GRIN2B: variants seen among roughly 807,000 people sequenced by gnomAD.
GRIN2B encodes the protein glutamate receptor ionotropic, NMDA 2B.
GRIN2B carries 5 observed loss-of-function variants against 114.5 expected under a neutral mutation model. The ratio of observed to expected loss-of-function variants is 0.04; its 90% CI spans 0.02 to 0.09. The LOEUF is 0.09. Among genes scored for constraint, GRIN2B ranks in the 10% least tolerant of loss-of-function variants. The pLI is 1.00. For synonymous variants in GRIN2B, 787 were observed against 745.1 expected (o/e 1.06, Z -0.92); for missense variants, 1,108 against 1,943.5 (o/e 0.57, Z 8.08).
intron 4 of GRIN2B, among the ~76,000 whole-genome samples, chr12:13,734,103 A>G (rs1308412117): frequency 1.3e-5 from 2 of 152,212 alleles, no homozygotes; most frequent in African/African-American, 4.8e-5. Flanking sequence ...AGGGATGATA[A>G]TTTCCATTCT....
chr12:13,658,043 T>TA (rs1295266327), intron 5 of GRIN2B, among the ~76,000 whole-genome samples: 8 of 152,046 alleles, frequency 5.3e-5, no homozygotes, highest in African/African-American at 1.9e-4. Flanking sequence ...CTGTCTCTAC[T>TA]AAAAATACAC....
At chr12:13,938,772 C>T (rs956569482) in intron 2 of GRIN2B, among the ~76,000 whole-genome samples, 6 of 152,062 alleles carry the variant, frequency 3.9e-5, no homozygotes, top group East Asian at 3.9e-4. Flanking sequence ...GAACTTCCTT[C>T]GATGATGGAA....
chr12:13,897,467 A>G (rs980790846), intron 2 of GRIN2B, among the ~76,000 whole-genome samples: 1 of 152,176 alleles, frequency 6.6e-6, no homozygotes, highest in African/African-American at 2.4e-5. Context: ...CAAATCCTCC[A>G]TATTTGACAG....
intron 3 of GRIN2B, among the ~76,000 whole-genome samples, chr12:13,788,492 T>C (rs1251273323): frequency 6.6e-6 from 1 of 152,202 alleles, no homozygotes; most frequent in Non-Finnish European, 1.5e-5. Context: ...CATAGAATGC[T>C]TGCTCACAAG....
chr12:13,685,326 C>A (rs1053612633), intron 4 of GRIN2B, among the ~76,000 whole-genome samples: 1 of 152,162 alleles, frequency 6.6e-6, no homozygotes, highest in Non-Finnish European at 1.5e-5. Flanking sequence ...CCAAAGGGGG[C>A]AAAATGGTAG....
intron 12 of GRIN2B, among the ~76,000 whole-genome samples, chr12:13,567,816 T>C (rs565462264): frequency 1.3e-5 from 2 of 152,164 alleles, no homozygotes; most frequent in East Asian, 3.9e-4. Flanking sequence ...AAAGGTATAG[T>C]AGGCAAAAGA....
chr12:13,702,121 C>T lies in GRIN2B; in HGVS notation c.1011-26262G>A, dbSNP rs142691786. On this transcript the variant is annotated intron_variant, in intron 4 of 13. Coordinates refer to ENST00000609686, the MANE Select transcript of GRIN2B (RefSeq NM_000834.5). Reference sequence around the variant, plus strand: ...ATAATTTATGGATCTCTTTCATGTACGTAATTGTTCTTCCATTATCATTCT... The same window carrying T: ...ATAATTTATGGATCTCTTTCATGTATGTAATTGTTCTTCCATTATCATTCT... Among the ~76,000 whole-genome samples the T allele has an allele frequency of 3.7e-4, 57 of 152,222 alleles. 1 individual carries two copies. The highest frequency in any genetic ancestry group is 2.8e-4 in the Non-Finnish European group (19 of 68,008).
Position 13,615,609 on chromosome 12 carries a change from T to C in GRIN2B, c.1384A>G (p.Ile462Val), listed in dbSNP as rs1486653724. ...YIKKCCKGFCIDILKKISKSV... is the reference protein window; with the variant it reads ...YIKKCCKGFCVDILKKISKSV... The stretch of plus-strand genomic sequence containing the variant: ...TTAGAAATTTTCTTAAGGATGTCAA[T>C]ACAGAACCCCTTGCAGCATTTTTTG... Residue 462 changes from isoleucine (I) to valine (V), a missense_variant, in exon 7 of 14, where the codon ATT becomes GTT. By Grantham distance (29) the Ile-to-Val change is conservative. This residue lies in a region of GRIN2B where 1 missense variants were observed against 16.7 expected (regional missense o/e 0.06). Transcript: ENST00000609686. This position sits in a 1 kb window ranked among gnomAD's most constrained non-coding sequence, Gnocchi z 5.8. 6.2e-7 allele frequency: 1 copy of C among 1,612,642 alleles called. No individual in the cohort carries two copies. Among genetic ancestry groups the C allele is most frequent in the Admixed American group, 1.7e-5 (1 of 60,026 alleles).
chr12:13,611,151 A>G (rs191871632), intron 9 of GRIN2B, among the ~76,000 whole-genome samples: 58 of 152,284 alleles, frequency 3.8e-4, no homozygotes, highest in Non-Finnish European at 4.4e-4. Context: ...ACCATACCCA[A>G]TAATAGCTAT....
chr12:13,773,585 C>T (rs1863947147), intron 3 of GRIN2B, among the ~76,000 whole-genome samples: 1 of 152,082 alleles, frequency 6.6e-6, no homozygotes, highest in African/African-American at 2.4e-5. Flanking sequence ...CGAAACTGTT[C>T]TTCTTGGTAT....
chr12:13,595,709 T>C (rs547459274), intron 10 of GRIN2B, among the ~76,000 whole-genome samples: 42 of 152,236 alleles, frequency 2.8e-4, no homozygotes, highest in Admixed American at 2.4e-3. Context: ...CCTGGAATCA[T>C]TGCAGTGCTG....
chr12:13,696,187 C>T (rs755553923), intron 4 of GRIN2B, among the ~76,000 whole-genome samples: 18 of 152,080 alleles, frequency 1.2e-4, no homozygotes, highest in Non-Finnish European at 1.9e-4. Context: ...AGAAGGGGTG[C>T]AGCATAATCA....
chr12:13,811,510 G>A (rs952087690), intron 3 of GRIN2B, among the ~76,000 whole-genome samples: 29 of 152,214 alleles, frequency 1.9e-4, no homozygotes, highest in African/African-American at 7.0e-4. Flanking sequence ...GAGCCTAGAA[G>A]GGCGAGGCTG....
chr12:13,659,020 T>C (rs1297054983), intron 5 of GRIN2B, among the ~76,000 whole-genome samples: 1 of 152,158 alleles, frequency 6.6e-6, no homozygotes, highest in East Asian at 1.9e-4. Flanking sequence ...CTCTTCCCTC[T>C]CCTTCTGTTC....
chr12:13,675,983 T>G (rs760541665), intron 4 of GRIN2B, 124 bp from the exon 5 acceptor site: 1 of 681,396 alleles, frequency 1.5e-6, no homozygotes, highest in Non-Finnish European at 2.7e-6. Context: ...CAGATACCAT[T>G]ATCAAATTTG....
At chr12:13,838,985 T>G (rs1737475801) in intron 3 of GRIN2B, among the ~76,000 whole-genome samples, 2 of 152,188 alleles carry the variant, frequency 1.3e-5, no homozygotes, top group African/African-American at 4.8e-5. Context: ...TAGCAGTCAT[T>G]TAGCAAGGCC....
intron 5 of GRIN2B, among the ~76,000 whole-genome samples, chr12:13,651,776 C>T (rs574520534): frequency 2.0e-5 from 3 of 152,142 alleles, no homozygotes; most frequent in East Asian, 3.9e-4. Context: ...GTGGTCTATG[C>T]GAAATGTCCA....
At chr12:13,763,878 T>G (rs932443204) in intron 3 of GRIN2B, among the ~76,000 whole-genome samples, 2 of 152,206 alleles carry the variant, frequency 1.3e-5, no homozygotes, top group Non-Finnish European at 2.9e-5. Context: ...ATACTGAAAA[T>G]TGCTCTCCTT....
chr12:13,769,715 G>T (rs1047228412), intron 3 of GRIN2B, among the ~76,000 whole-genome samples: 5 of 152,238 alleles, frequency 3.3e-5, no homozygotes, highest in African/African-American at 1.2e-4. Flanking sequence ...CACAGGCATA[G>T]CAAGGGTTAA....
Sources: allele counts gnomAD v4.1 joint callset (sites outside exome capture counted in the v4.1 genomes callset), GRCh38; gene constraint gnomAD v4.1.1; regional missense constraint gnomAD v4.1.1; non-coding constraint Gnocchi (gnomAD v3.1); transcripts MANE v1.5; gene names NCBI Gene and HGNC (gene_info 2026-07-23, HGNC 2026-07-21).